Variants in AFM observed in about 807,000 individuals in gnomAD.
AFM encodes afamin.
In AFM, 82 loss-of-function variants were observed where a neutral mutation model predicts 68.7. The observed-to-expected ratio is 1.19, with a 90% CI of 1.00 to 1.43. The LOEUF is 1.43. AFM is among the 40% of genes most tolerant of loss of function. AFM has a pLI of 0.00. For missense variants in AFM, 772 were observed against 701.8 expected (o/e 1.10, Z -1.13); for synonymous variants, 250 against 234.2 (o/e 1.07, Z -0.61).
intron 1 of AFM, 48 bp downstream of exon 1, chr4:73,481,911 A>G (rs748191653): frequency 7.1e-5 from 94 of 1,317,202 alleles, no homozygotes; most frequent in Non-Finnish European, 7.7e-5. Flanking sequence ...AGTTAGGATA[A>G]TTTCTATTTT....
chr4:73,499,565 G>T (rs1422292457), intron 11 of AFM, among the ~76,000 whole-genome samples: 1 of 152,118 alleles, frequency 6.6e-6, no homozygotes, highest in Non-Finnish European at 1.5e-5. Flanking sequence ...ATAATTTTAA[G>T]TAAGGTTACA....
chr4:73,503,796 T>A (rs920618020), intron 14 of AFM, 80 bp from the exon 15 acceptor site: 4 of 152,138 alleles, frequency 2.6e-5, no homozygotes, highest in African/African-American at 9.7e-5. Context: ...AATAGTTTTT[T>A]CAAATACTCG....
At chr4:73,483,374 C>G (rs534850412) in intron 1 of AFM, among the ~76,000 whole-genome samples, 16 of 152,280 alleles carry the variant, frequency 1.1e-4, no homozygotes, top group African/African-American at 3.4e-4. Flanking sequence ...TTCACAGGGT[C>G]CAGCACAACA....
intron 4 of AFM, 89 bp from the exon 5 acceptor site, chr4:73,486,878 T>TGGTAAGA (rs1720914780): frequency 9.8e-6 from 11 of 1,126,796 alleles, no homozygotes; most frequent in Non-Finnish European, 1.1e-5. Flanking sequence ...TTACCCTCCC[T>TGGTAAGA]TCCCTTCCCT....
chr4:73,492,042 T>C lies in AFM; in HGVS notation c.1014T>C (p.Asn338=). 1 of 1,613,104 alleles carries C rather than the reference T, an allele frequency of 6.2e-7. No homozygotes were observed. The highest frequency in any genetic ancestry group is 1.1e-5 in the South Asian group (1 of 90,780). Residue 338 remains asparagine, a synonymous_variant, in exon 8 of 15, where the codon AAT becomes AAC. Coordinates refer to ENST00000226355, the MANE Select transcript of AFM (RefSeq NM_001133.2). ...AAGGAAAATTTACTGACAGTGAAAA[T>C]GTGTGTCAAGAACGAGATGCTGACC... ...LREGKFTDSE[N]VCQERDADPD...
At chr4:73,501,320 T>G (rs1393180092) in intron 12 of AFM, among the ~76,000 whole-genome samples, 5 of 152,160 alleles carry the variant, frequency 3.3e-5, no homozygotes, top group African/African-American at 1.2e-4. Flanking sequence ...TGCATAAATG[T>G]GTAATGATCA....
At chr4:73,489,796 G>C (rs1250436657) in intron 7 of AFM, among the ~76,000 whole-genome samples, 1 of 152,188 alleles carries the variant, frequency 6.6e-6, no homozygotes, top group Non-Finnish European at 1.5e-5. Context: ...ACAGGGAGGG[G>C]AACAACACAG....
At position 73,499,976 on chromosome 4, in the gene AFM, A is replaced by T. The variant is rs755077545; in HGVS notation, c.1423-28A>T. On this transcript the variant is annotated intron_variant, in intron 11 of 14. Transcript: ENST00000226355. ...AATTCCATTCAAGTTTTAAGATCGT[A>T]TCTCAGTTGCAACTCTTGTTGGTAC... is the stretch of plus-strand genomic sequence containing the variant. 9 of 1,571,816 alleles carry T rather than the reference A, an allele frequency of 5.7e-6. No homozygotes were observed. The Admixed American group carries it at 1.5e-4, about 26-fold the overall frequency.
chr4:73,503,131 CA>C, intron 14 of AFM, 21 bp downstream of exon 14: 2 of 1,531,414 alleles, frequency 1.3e-6, no homozygotes, highest in African/African-American at 1.4e-5. Flanking sequence ...CTGCCTCATT[CA>C]AATGTCAAAT....
rs752731440 is a variant in AFM, at chr4:73,483,931, T to C, written c.89-10T>C. 9 of 1,521,176 alleles carry C rather than the reference T, an allele frequency of 5.9e-6. No homozygotes were observed. The African/African-American group carries it at 1.1e-4, about 19-fold the overall frequency. 94.2% of individuals were successfully genotyped at this position (1,521,176 alleles called of 1,614,324 possible). Reference sequence around the variant, plus strand: ...TGCTATGTAATAACCTAAATATTCTTGCTTTTCAGAGAACTTCAATAGTAC... The same window carrying C: ...TGCTATGTAATAACCTAAATATTCTCGCTTTTCAGAGAACTTCAATAGTAC... On this transcript the variant is annotated splice_polypyrimidine_tract_variant and intron_variant, in intron 1 of 14. Coordinates refer to ENST00000226355, the MANE Select transcript of AFM (RefSeq NM_001133.2).
At chr4:73,483,635 G>T (rs1464559502) in intron 1 of AFM, among the ~76,000 whole-genome samples, 1 of 152,198 alleles carries the variant, frequency 6.6e-6, no homozygotes, top group Non-Finnish European at 1.5e-5. Context: ...TAGACATTTA[G>T]CATGGTAATG....
Position 73,486,036 on chromosome 4 carries a change from C to T in AFM, c.445C>T (p.Gln149Ter). ...TACCCTGGATCCCGAAGAGAAATGC[C>T]AGGCTTATGAAAGTAACAGAGAATC... The part of the protein sequence containing the change: ...FPTLDPEEKC[Q>*]AYESNRESLL... The change falls in exon 4 of 15, where the codon CAG becomes TAG. Residue 149 changes from glutamine to a stop codon, truncating the protein, a stop_gained. Coordinates refer to ENST00000226355, the MANE Select transcript of AFM (RefSeq NM_001133.2). LOFTEE classifies it high-confidence loss of function. 1 of 1,613,962 alleles carries T rather than the reference C, an allele frequency of 6.2e-7. No individual in the cohort carries two copies.
chr4:73,496,349 GT>G (rs1365400597), intron 9 of AFM, among the ~76,000 whole-genome samples: 5 of 152,110 alleles, frequency 3.3e-5, no homozygotes, highest in African/African-American at 1.2e-4. Flanking sequence ...CATTTTGGAT[GT>G]TTGCTTAGGG....
Position 73,492,006 on chromosome 4 carries a change from A to G in AFM, c.978A>G (p.Leu326=). 4 of 1,613,858 alleles carry G rather than the reference A, an allele frequency of 2.5e-6. No individual in the cohort carries two copies. The South Asian group carries it at 3.3e-5, about 13-fold the overall frequency. The change falls in exon 8 of 15, where the codon TTA becomes TTG. Residue 326 remains leucine, a synonymous_variant. Transcript: ENST00000226355. The stretch of plus-strand genomic sequence containing the variant: ...ACAAAGATGATAGACCAAAGGATTT[A>G]TCTCTAAGAGAAGGAAAATTTACTG... ...NSNKDDRPKD[L]SLREGKFTDS...
At chr4:73,503,137 T>C (rs375167013) in intron 14 of AFM, 27 bp downstream of exon 14, 12 of 1,530,484 alleles carry the variant, frequency 7.8e-6, no homozygotes, top group East Asian at 4.5e-5. Flanking sequence ...CATTCAAATG[T>C]CAAATGTATT....
At chr4:73,490,187 C>CAAA (rs374246384) in intron 7 of AFM, among the ~76,000 whole-genome samples, 7 of 92,828 alleles carry the variant, frequency 7.5e-5, no homozygotes, top group African/African-American at 2.7e-4. Context: ...AACCTTATTT[C>CAAA]AAAAAAAAAA....
intron 12 of AFM, among the ~76,000 whole-genome samples, chr4:73,500,500 T>C (rs1277026853): frequency 6.6e-6 from 1 of 152,188 alleles, no homozygotes; most frequent in Non-Finnish European, 1.5e-5. Flanking sequence ...AAAAGGCTCA[T>C]AGGCAGGCTG....
intron 10 of AFM, 57 bp from the exon 11 acceptor site, chr4:73,499,057 C>T: frequency 1.3e-6 from 2 of 1,565,854 alleles, no homozygotes; most frequent in South Asian, 1.2e-5. Flanking sequence ...AGCAGTAATT[C>T]AAGGGAAAAT....
intron 9 of AFM, among the ~76,000 whole-genome samples, chr4:73,496,711 T>C (rs1277810036): frequency 6.6e-6 from 1 of 152,204 alleles, no homozygotes; most frequent in Non-Finnish European, 1.5e-5. Flanking sequence ...ATTTTAGCTA[T>C]TTACACATTT....
Sources: gnomAD v4.1 joint callset for allele counts (sites outside exome capture counted in the v4.1 genomes callset) on GRCh38, gnomAD v4.1.1 for gene constraint, MANE v1.5 for transcripts, NCBI Gene and HGNC (gene_info 2026-07-23, HGNC 2026-07-21) for gene names.